The following ASH1L variants were observed in gnomAD, a reference collection of about 807,000 sequenced individuals.
ASH1L encodes the protein ASH1 like histone lysine methyltransferase, also known as histone-lysine N-methyltransferase ASH1L.
A neutral mutation model predicts 269.0 loss-of-function variants in ASH1L; 23 were observed. The ratio of observed to expected loss-of-function variants is 0.09; its 90% CI spans 0.06 to 0.12. The LOEUF (loss-of-function observed/expected upper bound fraction) is 0.12. Among genes scored for constraint, ASH1L ranks in the 10% least tolerant of loss-of-function variants. The pLI is 1.00. For synonymous variants in ASH1L, 1,187 were observed against 1,253.5 expected (o/e 0.95, Z 1.12); for missense variants, 2,912 against 3,567.8 (o/e 0.82, Z 4.68).
At chr1:155,404,453 C>T (rs1018710407) in intron 6 of ASH1L, among the ~76,000 whole-genome samples, 1 of 152,124 alleles carries the variant, frequency 6.6e-6, no homozygotes, top group African/African-American at 2.4e-5. Flanking sequence ...GCAGGAGGAT[C>T]ACTTGAGGCC....
chr1:155,433,585 G>T (rs760007664), intron 5 of ASH1L: 15 of 1,610,860 alleles, frequency 9.3e-6, no homozygotes, highest in Non-Finnish European at 1.0e-5. Flanking sequence ...ACCCGCAGGA[G>T]TCCCAGAACA....
At position 155,562,620 on chromosome 1, in the gene ASH1L, C is replaced by T. The variant is rs1237110425; in HGVS notation, c.-567G>A. The T allele has an allele frequency of 6.5e-7, 1 of 1,527,644 alleles. No individual in the cohort carries two copies. The highest frequency in any genetic ancestry group is 8.8e-7 in the Non-Finnish European group (1 of 1,141,430). 94.6% of individuals were successfully genotyped at this position (1,527,644 alleles called of 1,614,324 possible). A position where few individuals can be genotyped will look rare whatever the true frequency, so the allele number is the denominator to read the frequency against. ...CGCCCGCCCGCACGCGTACGAGTGT[C>T]TACGGGCTCGTCGCTGGCTGCTCCC... is the stretch of plus-strand genomic sequence containing the variant. On this transcript the variant is annotated 5_prime_UTR_variant, in exon 1 of 28. Coordinates refer to ENST00000392403, the MANE Select transcript of ASH1L (RefSeq NM_018489.3).
rs1439494100 is a variant in ASH1L, at chr1:155,351,869, TA to T, written c.7366+836del. ...TTGTCTCAAAAAAAAAAAAGTAAAA[TA>T]AAATAAATAAATAAATAAATTAATT... is the stretch of plus-strand genomic sequence containing the variant. On this transcript the variant is annotated intron_variant, in intron 17 of 27. Transcript: ENST00000392403. 3.3e-5 allele frequency among the ~76,000 whole-genome samples: 5 copies of T among 150,468 alleles called. No individual in the cohort carries two copies. The South Asian group carries it at 6.3e-4, about 19-fold the overall frequency.
At chr1:155,420,084 G>C (rs1450824572) in intron 5 of ASH1L, among the ~76,000 whole-genome samples, 1 of 152,136 alleles carries the variant, frequency 6.6e-6, no homozygotes, top group Non-Finnish European at 1.5e-5. Context: ...GTGGGAGGAT[G>C]AGGCGGGCGG....
Position 155,544,038 on chromosome 1 carries a change from T to C in ASH1L, c.-100+18115A>G, listed in dbSNP as rs1670628817. On this transcript the variant is annotated intron_variant, in intron 1 of 27. Transcript: ENST00000392403. ...TCTTTCGATGTCACCCAGACTGGAGTGCAGTTGTTTGAACATGGCTTACTG... is the reference window on the plus strand; with the variant it reads ...TCTTTCGATGTCACCCAGACTGGAGCGCAGTTGTTTGAACATGGCTTACTG... 2.6e-5 allele frequency among the ~76,000 whole-genome samples: 4 copies of C among 152,024 alleles called. 1 individual carries two copies. In the South Asian group the frequency reaches 8.3e-4, roughly 31 times the overall value.
At chr1:155,357,806 T>C in intron 13 of ASH1L, 57 bp from the exon 14 acceptor site, 5 of 1,495,198 alleles carry the variant, frequency 3.3e-6, no homozygotes, top group Non-Finnish European at 4.5e-6. Context: ...GGGTCTTTCC[T>C]GTCACTCAGG....
intron 2 of ASH1L, among the ~76,000 whole-genome samples, chr1:155,516,100 T>C (rs1165907573): frequency 2.0e-5 from 3 of 152,156 alleles, no homozygotes; most frequent in African/African-American, 4.8e-5. Context: ...ACTTTCAGTA[T>C]ACTAGTTGTT....
chr1:155,389,020 T>TCCCAAATAAACCC, intron 7 of ASH1L, among the ~76,000 whole-genome samples: 1 of 149,880 alleles, frequency 6.7e-6, no homozygotes, highest in South Asian at 2.1e-4. Flanking sequence ...AATTCTTTTT[T>TCCCAAATAAACCC]TTTGAGACAG....
At chr1:155,520,765 G>A (rs886556007) in intron 2 of ASH1L, among the ~76,000 whole-genome samples, 5 of 151,910 alleles carry the variant, frequency 3.3e-5, no homozygotes, top group African/African-American at 1.2e-4. Context: ...GGGAGGCTGA[G>A]GCAGGAGAAC....
At chr1:155,382,442 G>A (rs148138933) in intron 7 of ASH1L, among the ~76,000 whole-genome samples, 1,568 of 152,268 alleles carry the variant, frequency 0.01, 30 homozygotes, top group African/African-American at 0.036. Context: ...AGCTTGCAGT[G>A]AGCTGAGATT....
chr1:155,409,659 TC>T (rs760396739), intron 6 of ASH1L, among the ~76,000 whole-genome samples: 3 of 152,184 alleles, frequency 2.0e-5, no homozygotes, highest in Admixed American at 6.5e-5. Flanking sequence ...AGAGACTGGA[TC>T]TCACTATGTT....
At chr1:155,453,709 G>T (rs1411640810) in intron 4 of ASH1L, among the ~76,000 whole-genome samples, 1 of 152,058 alleles carries the variant, frequency 6.6e-6, no homozygotes, top group East Asian at 1.9e-4. Flanking sequence ...TGAGGTAGCA[G>T]AATCACTTGA....
intron 15 of ASH1L, among the ~76,000 whole-genome samples, chr1:155,355,784 C>T (rs1442603320): frequency 6.6e-6 from 1 of 152,138 alleles, no homozygotes; most frequent in East Asian, 1.9e-4. Context: ...GATAAACTTT[C>T]AACAAATAGG....
chr1:155,338,207 T>G lies in ASH1L; in HGVS notation c.8685A>C (p.Thr2895=), dbSNP rs112342645. ...ACTGGGGTTCTTGACTACTTTCCTC[T>G]GTTTTTTTTTCACCCTCACTGACGT... The part of the protein sequence containing the change: ...TANVSEGEKK[T]EESSQEPQST... The change falls in exon 27 of 28, where the codon ACA becomes ACC. Residue 2895 remains threonine, a synonymous_variant. Coordinates refer to ENST00000392403, the MANE Select transcript of ASH1L (RefSeq NM_018489.3). 3.6e-5 allele frequency: 58 copies of G among 1,614,088 alleles called. 1 individual carries two copies. In the African/African-American group the frequency reaches 5.3e-4, roughly 15 times the overall value.
chr1:155,394,323 C>G (rs1197753760), intron 7 of ASH1L, among the ~76,000 whole-genome samples: 2 of 152,124 alleles, frequency 1.3e-5, no homozygotes, highest in African/African-American at 4.8e-5. Context: ...TAATCAGGAA[C>G]CAGATCATTC....
intron 5 of ASH1L, among the ~76,000 whole-genome samples, chr1:155,432,841 T>TC (rs1266704236): frequency 6.6e-6 from 1 of 151,970 alleles, no homozygotes; most frequent in Non-Finnish European, 1.5e-5. Context: ...GCTCAAGCGA[T>TC]CCCCCCACCT....
intron 1 of ASH1L, among the ~76,000 whole-genome samples, chr1:155,561,077 A>G (rs528344593): frequency 1.3e-5 from 2 of 151,536 alleles, no homozygotes; most frequent in East Asian, 3.9e-4. Flanking sequence ...CTTTGTCACC[A>G]ATTTAACATG....
At chr1:155,371,217 A>ACT (rs1235594635) in intron 10 of ASH1L, among the ~76,000 whole-genome samples, 3 of 152,190 alleles carry the variant, frequency 2.0e-5, no homozygotes, top group Non-Finnish European at 4.4e-5. Flanking sequence ...CTAACTGTCC[A>ACT]CTCAGCATCC....
intron 6 of ASH1L, among the ~76,000 whole-genome samples, chr1:155,410,312 AT>A (rs113575538): frequency 0.01 from 1,542 of 151,702 alleles, 37 homozygotes; most frequent in African/African-American, 0.036. Flanking sequence ...TTATTTACTT[AT>A]TTATTTCTGA....
Sources: allele counts gnomAD v4.1 joint callset (sites outside exome capture counted in the v4.1 genomes callset), GRCh38; gene constraint gnomAD v4.1.1; transcripts MANE v1.5; gene names NCBI Gene and HGNC (gene_info 2026-07-23, HGNC 2026-07-21).